Variants in TSKS observed in about 807,000 individuals in gnomAD.
TSKS encodes testis specific serine kinase substrate.
A neutral mutation model predicts 68.0 loss-of-function variants in TSKS; 27 were observed. That is an observed-to-expected ratio of 0.40 (90% CI 0.29 to 0.55). The LOEUF (loss-of-function observed/expected upper bound fraction) is 0.55, where lower values mean the gene tolerates loss of function less well. Ranked by LOEUF, TSKS falls within the 20% of genes least tolerant of loss-of-function variation. TSKS has a pLI of 0.53. For missense variants in TSKS, 806 were observed against 776.0 expected, an observed-to-expected ratio of 1.04 and a Z score of -0.46; for synonymous variants, 331 against 340.4, an observed-to-expected ratio of 0.97 and a Z score of 0.30.
intron 9 of TSKS, among the ~76,000 whole-genome samples, chr19:49,740,994 C>T (rs577150623): frequency 2.6e-5 from 4 of 151,984 alleles, no homozygotes; most frequent in Non-Finnish European, 5.9e-5. Context: ...CTGACTAACA[C>T]GGTGAAACCC....
chr19:49,762,299 CT>C, intron 1 of TSKS, 67 bp from the exon 2 acceptor site: 1 of 1,244,872 alleles, frequency 8.0e-7, no homozygotes, highest in Non-Finnish European at 1.1e-6. Context: ...TCCTGCCTTC[CT>C]TTCTCCATAC....
chr19:49,743,324 C>T (rs893084811), intron 8 of TSKS, among the ~76,000 whole-genome samples: 2 of 151,586 alleles, frequency 1.3e-5, no homozygotes, highest in Admixed American at 1.3e-4. Context: ...GTGATCTGCC[C>T]GTCTTGGCCT....
chr19:49,747,617 G>A, intron 4 of TSKS, 145 bp from the exon 5 acceptor site: 1 of 746,520 alleles, frequency 1.3e-6, no homozygotes, highest in Non-Finnish European at 2.2e-6. Context: ...TTGGCTAAGG[G>A]GATGGCTTCC....
chr19:49,744,724 C>G (rs1007411776), intron 7 of TSKS, among the ~76,000 whole-genome samples: 9 of 151,968 alleles, frequency 5.9e-5, no homozygotes, highest in Non-Finnish European at 1.2e-4. Context: ...GCTAGGACTA[C>G]CAGGGTGCGA....
intron 7 of TSKS, among the ~76,000 whole-genome samples, chr19:49,744,773 G>C (rs1882525902): frequency 6.6e-6 from 1 of 151,912 alleles, no homozygotes; most frequent in South Asian, 2.1e-4. Flanking sequence ...ATTGTTTGTA[G>C]AGATGGGGTC....
intron 8 of TSKS, 99 bp downstream of exon 8, chr19:49,744,132 A>C: frequency 7.5e-7 from 1 of 1,331,026 alleles, no homozygotes; most frequent in Middle Eastern, 2.7e-4. Context: ...GTCTCCCAAA[A>C]TGAACAGCGC....
intron 5 of TSKS, 132 bp downstream of exon 5, chr19:49,747,257 G>T: frequency 6.4e-7 from 1 of 1,571,248 alleles, no homozygotes; most frequent in Admixed American, 1.9e-5. Context: ...CGAGTTCTAA[G>T]GATGACTATG....
At chr19:49,756,933 A>G (rs1401553866) in intron 2 of TSKS, among the ~76,000 whole-genome samples, 2 of 152,138 alleles carry the variant, frequency 1.3e-5, no homozygotes, top group African/African-American at 4.8e-5. Context: ...GGTGGTGCAC[A>G]CCTGTAATGC....
rs771951112 is a variant in TSKS at position 49,740,041 on chromosome 19, C to T, written c.1622+18G>A. 21 of 1,614,084 alleles carry T rather than the reference C, an allele frequency of 1.3e-5. No homozygotes were observed. Among genetic ancestry groups the T allele is most frequent in the East Asian group, 4.5e-5 (2 of 44,888 alleles). On this transcript the variant is annotated intron_variant, in intron 10 of 10. Transcript: ENST00000246801. ...CAAGATCTCACCCTCCTCCCATGCC[C>T]TCAGCCTCCTTCCTCACTCTGGCTT...
chr19:49,760,658 T>C (rs1329249276), intron 2 of TSKS, among the ~76,000 whole-genome samples: 1 of 151,348 alleles, frequency 6.6e-6, no homozygotes, highest in African/African-American at 2.4e-5. Flanking sequence ...ATCAGCCAGG[T>C]GTGTGCCTGT....
intron 6 of TSKS, among the ~76,000 whole-genome samples, chr19:49,746,159 G>A (rs2084297293): frequency 6.6e-6 from 1 of 152,066 alleles, no homozygotes; most frequent in South Asian, 2.1e-4. Flanking sequence ...CTCCAGCCTG[G>A]GCGACAAGCG....
At chr19:49,747,681 C>G (rs3826760) in intron 4 of TSKS, among the ~76,000 whole-genome samples, 4 of 152,236 alleles carry the variant, frequency 2.6e-5, no homozygotes, top group African/African-American at 7.2e-5. Flanking sequence ...CACCTCTCTT[C>G]GGTCCACCCA....
In TSKS at chr19:49,739,914, C is replaced by A. The variant is rs79485806; in HGVS notation, c.1641G>T (p.Leu547=). 4 of 1,612,086 alleles carry A rather than the reference C, an allele frequency of 2.5e-6. No individual in the cohort carries two copies. Among genetic ancestry groups the A allele is most frequent in the Non-Finnish European group, 3.4e-6 (4 of 1,178,762 alleles). The stretch of plus-strand genomic sequence containing the variant: ...AGCACATCTTCAAGTGTAGATGGTC[C>A]AGAGTGGCCATCTTCTCCCTGTCAT... ...KMKPEEKMAT[L]DHLHLKMCSL... Residue 547 remains leucine (L), a synonymous_variant, in exon 11 of 11, where the codon CTG becomes CTT. Transcript: ENST00000246801.
intron 2 of TSKS, among the ~76,000 whole-genome samples, chr19:49,761,135 A>G (rs778525765): frequency 3.3e-5 from 5 of 152,146 alleles, no homozygotes; most frequent in Non-Finnish European, 7.4e-5. Flanking sequence ...AAAGGAACGA[A>G]TGTATGCATC....
chr19:49,753,388 C>T (rs902577956), intron 2 of TSKS, among the ~76,000 whole-genome samples: 28 of 151,886 alleles, frequency 1.8e-4, no homozygotes, highest in Non-Finnish European at 2.8e-4. Flanking sequence ...TGGTGAACCC[C>T]GTCTCTACTA....
intron 2 of TSKS, among the ~76,000 whole-genome samples, chr19:49,756,105 T>C (rs1408809380): frequency 6.6e-6 from 1 of 151,982 alleles, no homozygotes; most frequent in Non-Finnish European, 1.5e-5. Context: ...CAACAGCATG[T>C]AAAAAGGATT....
intron 2 of TSKS, among the ~76,000 whole-genome samples, chr19:49,759,018 C>T (rs996682074): frequency 1.3e-5 from 2 of 151,898 alleles, no homozygotes; most frequent in South Asian, 2.1e-4. Flanking sequence ...CCACCACGTC[C>T]GGCTAATTGT....
intron 1 of TSKS, 60 bp from the exon 2 acceptor site, chr19:49,762,292 T>G (rs3745477): frequency 0.67 from 934,132 of 1,384,288 alleles, 325,019 homozygotes; most frequent in Non-Finnish European, 0.73. Flanking sequence ...TGGGCCCTCC[T>G]GCCTTCCTTT....
At chr19:49,741,757 G>T in intron 9 of TSKS, 128 bp downstream of exon 9, 1 of 1,315,748 alleles carries the variant, frequency 7.6e-7, no homozygotes, top group Non-Finnish European at 1.1e-6. Context: ...CTCCCCCAGT[G>T]CCTGCTGCTC....
Sources: allele counts gnomAD v4.1 joint callset (sites outside exome capture counted in the v4.1 genomes callset), GRCh38; gene constraint gnomAD v4.1.1; transcripts MANE v1.5; gene names NCBI Gene and HGNC (gene_info 2026-07-23, HGNC 2026-07-21).